The following PRKD1 variants were observed in gnomAD, a reference collection of about 807,000 sequenced individuals.
PRKD1 encodes protein kinase D1, also known as serine/threonine-protein kinase D1.
Under a neutral mutation model 95.9 loss-of-function variants are expected in PRKD1, and 63 were observed. That is an observed-to-expected ratio of 0.66 (90% CI 0.54 to 0.81). The LOEUF is 0.81. PRKD1 is among the 30% of genes least tolerant of loss of function. The pLI is 0.00. For missense variants in PRKD1, 1,048 were observed against 1,165.3 expected, an observed-to-expected ratio of 0.90 and a Z score of 1.47; for synonymous variants, 425 against 423.1, an observed-to-expected ratio of 1.00 and a Z score of -0.05.
At chr14:29,925,818 C>A (rs1895275257) in intron 1 of PRKD1, among the ~76,000 whole-genome samples, 1 of 152,174 alleles carries the variant, frequency 6.6e-6, no homozygotes, top group South Asian at 2.1e-4. Flanking sequence ...TGTATACGTG[C>A]TTATGAAGCA....
At chr14:29,781,819 A>G (rs1889059775) in intron 1 of PRKD1, among the ~76,000 whole-genome samples, 1 of 152,240 alleles carries the variant, frequency 6.6e-6, no homozygotes, top group Non-Finnish European at 1.5e-5. Context: ...GAGAAAAAAG[A>G]GCAGTCAACA....
chr14:29,904,903 T>C (rs557981497), intron 1 of PRKD1, among the ~76,000 whole-genome samples: 26 of 152,330 alleles, frequency 1.7e-4, no homozygotes, highest in Middle Eastern at 3.4e-3. Flanking sequence ...AGATTTGAAT[T>C]TTCAGTTGGA....
At chr14:29,794,675 C>T (rs1353765900) in intron 1 of PRKD1, among the ~76,000 whole-genome samples, 1 of 151,870 alleles carries the variant, frequency 6.6e-6, no homozygotes, top group African/African-American at 2.4e-5. Context: ...CCTTCTCATT[C>T]TTCCCTTCCC....
chr14:29,897,045 C>A (rs1433032701), intron 1 of PRKD1, among the ~76,000 whole-genome samples: 1 of 151,670 alleles, frequency 6.6e-6, no homozygotes, highest in African/African-American at 2.4e-5. Flanking sequence ...ATCCTACTAG[C>A]CAGATAAAAC....
chr14:29,724,142 A>C (rs1017038297), intron 2 of PRKD1, among the ~76,000 whole-genome samples: 1 of 152,196 alleles, frequency 6.6e-6, no homozygotes. Context: ...ACACCCACAC[A>C]CAGGTTGCAT....
intron 1 of PRKD1, among the ~76,000 whole-genome samples, chr14:29,884,359 T>C (rs1028892820): frequency 2.0e-5 from 3 of 152,216 alleles, no homozygotes; most frequent in Non-Finnish European, 4.4e-5. Flanking sequence ...AAATGTATAC[T>C]AATGTATTAA....
intron 13 of PRKD1, among the ~76,000 whole-genome samples, chr14:29,601,928 T>C (rs1017472409): frequency 6.6e-6 from 1 of 152,202 alleles, no homozygotes; most frequent in Non-Finnish European, 1.5e-5. Flanking sequence ...GCACGAGCTT[T>C]AAGGATTACA....
At chr14:29,855,259 T>C (rs114609591) in intron 1 of PRKD1, among the ~76,000 whole-genome samples, 2,247 of 152,246 alleles carry the variant, frequency 0.015, 53 homozygotes, top group African/African-American at 0.046. Context: ...GGAGGGAAGC[T>C]GTACCCTGCA....
chr14:29,850,312 A>AT (rs1330413819), intron 1 of PRKD1, among the ~76,000 whole-genome samples: 1 of 152,136 alleles, frequency 6.6e-6, no homozygotes, highest in Non-Finnish European at 1.5e-5. Context: ...AACCCTAAAG[A>AT]TCCCATCAAA....
intron 2 of PRKD1, among the ~76,000 whole-genome samples, chr14:29,724,764 G>A (rs1031948556): frequency 6.6e-6 from 1 of 152,088 alleles, no homozygotes; most frequent in Admixed American, 6.6e-5. Flanking sequence ...AAAAGAGCAA[G>A]GCAATCCAAG....
intron 1 of PRKD1, among the ~76,000 whole-genome samples, chr14:29,872,374 A>T (rs1377591459): frequency 6.6e-6 from 1 of 152,194 alleles, no homozygotes; most frequent in East Asian, 1.9e-4. Context: ...GTCACTTAAA[A>T]TCTCCACACC....
chr14:29,783,169 A>G (rs1166546089), intron 1 of PRKD1, among the ~76,000 whole-genome samples: 2 of 152,028 alleles, frequency 1.3e-5, no homozygotes, highest in Non-Finnish European at 2.9e-5. Flanking sequence ...CACCCTTCCT[A>G]GACTCTGGTA....
chr14:29,923,721 C>A (rs1419795354), intron 1 of PRKD1, among the ~76,000 whole-genome samples: 1 of 148,502 alleles, frequency 6.7e-6, no homozygotes, highest in African/African-American at 2.5e-5. Context: ...AGTAAAATAT[C>A]AGTTGCCTTT....
chr14:29,805,448 A>G (rs1024396312), intron 1 of PRKD1, among the ~76,000 whole-genome samples: 27 of 152,252 alleles, frequency 1.8e-4, no homozygotes, highest in Non-Finnish European at 2.8e-4. Flanking sequence ...TGGGATATCA[A>G]TAGGTGTTGC....
chr14:29,580,665 G>T (rs549222474), intron 16 of PRKD1, among the ~76,000 whole-genome samples: 2 of 152,118 alleles, frequency 1.3e-5, no homozygotes, highest in South Asian at 4.2e-4. Flanking sequence ...TAATCAAGTT[G>T]TATACAATCC....
intron 1 of PRKD1, among the ~76,000 whole-genome samples, chr14:29,833,853 C>T (rs1227239781): frequency 6.6e-6 from 1 of 151,638 alleles, no homozygotes; most frequent in Non-Finnish European, 1.5e-5. Context: ...ATTTTCTATC[C>T]ATCAGACCCA....
chr14:29,827,695 C>T lies in PRKD1; in HGVS notation c.264+99554G>A, dbSNP rs1891252326. ...AACACTACCTTAGAATACAGCCTAA[C>T]CATAAGAAAAGTGTTTACACTATTA... On this transcript the variant is annotated intron_variant, in intron 1 of 17. Coordinates refer to ENST00000331968, the MANE Select transcript of PRKD1 (RefSeq NM_002742.3). 3.3e-5 allele frequency among the ~76,000 whole-genome samples: 5 copies of T among 152,260 alleles called. No individual in the cohort carries two copies. The South Asian group carries it at 1.0e-3, about 32-fold the overall frequency.
chr14:29,746,702 T>A (rs1391525579), intron 1 of PRKD1, among the ~76,000 whole-genome samples: 1 of 152,104 alleles, frequency 6.6e-6, no homozygotes, highest in East Asian at 1.9e-4. Context: ...GCTAGCATAT[T>A]TTCATCATCC....
chr14:29,888,912 G>A (rs2139409039), intron 1 of PRKD1, among the ~76,000 whole-genome samples: 1 of 152,308 alleles, frequency 6.6e-6, no homozygotes, highest in African/African-American at 2.4e-5. Context: ...AGCTTACTGA[G>A]TAAAGCTGGG....
Sources: allele counts gnomAD v4.1 joint callset (sites outside exome capture counted in the v4.1 genomes callset), GRCh38; gene constraint gnomAD v4.1.1; transcripts MANE v1.5; gene names NCBI Gene and HGNC (gene_info 2026-07-23, HGNC 2026-07-21).